Variants in RETREG1 observed in about 807,000 individuals in gnomAD.
The protein encoded by RETREG1 is family with sequence similarity 134 member B.
RETREG1 carries 44 observed loss-of-function variants against 54.8 expected under a neutral mutation model. That is an observed-to-expected ratio of 0.80 (90% confidence interval 0.63 to 1.03). The LOEUF (loss-of-function observed/expected upper bound fraction) is 1.03. RETREG1 is among the 50% of genes least tolerant of loss of function. The probability of loss-of-function intolerance (pLI) is 0.00; values close to 1 mark genes in which losing one functional copy is unlikely to be tolerated. For synonymous variants in RETREG1, 217 were observed against 238.5 expected (o/e 0.91, Z 0.83); for missense variants, 554 against 605.1 (o/e 0.92, Z 0.89).
chr5:16,529,030 A>G (rs540366075), intron 3 of RETREG1, among the ~76,000 whole-genome samples: 2 of 152,290 alleles, frequency 1.3e-5, no homozygotes, highest in South Asian at 2.1e-4. Context: ...GGAAGAAACT[A>G]TATACCCCAA....
At chr5:16,535,090 G>A (rs368257054) in intron 3 of RETREG1, among the ~76,000 whole-genome samples, 1 of 152,232 alleles carries the variant, frequency 6.6e-6, no homozygotes, top group African/African-American at 2.4e-5. Flanking sequence ...GCTATGAGAA[G>A]CTGGAATTCT....
At chr5:16,605,422 C>T (rs1561137221) in intron 1 of RETREG1, among the ~76,000 whole-genome samples, 1 of 152,288 alleles carries the variant, frequency 6.6e-6, no homozygotes, top group East Asian at 1.9e-4. Context: ...CTCCATAGTC[C>T]CTTTCCCCAC....
intron 3 of RETREG1, among the ~76,000 whole-genome samples, chr5:16,539,448 T>G (rs1207666382): frequency 6.6e-6 from 1 of 151,858 alleles, no homozygotes; most frequent in East Asian, 1.9e-4. Context: ...GGAAATAATT[T>G]CCAGAACATG....
intron 2 of RETREG1, among the ~76,000 whole-genome samples, chr5:16,570,628 T>C (rs773583516): frequency 5.3e-5 from 8 of 152,198 alleles, no homozygotes; most frequent in Non-Finnish European, 1.0e-4. Context: ...TTACTGTCTA[T>C]TTAGGAAAAC....
chr5:16,581,517 C>A (rs1742473038), intron 1 of RETREG1, among the ~76,000 whole-genome samples: 1 of 98,222 alleles, frequency 1.0e-5, no homozygotes, highest in African/African-American at 4.6e-5. Context: ...TTTTTAAGTT[C>A]AGAAACACAA....
At chr5:16,525,382 T>C (rs1740683034) in intron 3 of RETREG1, among the ~76,000 whole-genome samples, 1 of 152,010 alleles carries the variant, frequency 6.6e-6, no homozygotes, top group Admixed American at 6.6e-5. Context: ...AGCCCCTTTC[T>C]CCCTTCCCCC....
At chr5:16,535,680 T>C (rs1579659793) in intron 3 of RETREG1, among the ~76,000 whole-genome samples, 5 of 107,450 alleles carry the variant, frequency 4.7e-5, no homozygotes, top group Non-Finnish European at 5.5e-5. Context: ...GGAGCTGGGG[T>C]TCCTGTGTGC....
chr5:16,514,183 A>G (rs1222339428), intron 3 of RETREG1, among the ~76,000 whole-genome samples: 4 of 152,168 alleles, frequency 2.6e-5, no homozygotes. Context: ...CTTTTGCTTG[A>G]TTTATGGGGA....
In RETREG1 at chr5:16,616,994, G is replaced by A. The variant is rs1335009326; in HGVS notation, c.-23C>T. 6 of 1,311,184 alleles carry A rather than the reference G, an allele frequency of 4.6e-6. No homozygotes were observed. The African/African-American group carries it at 9.3e-5, about 20-fold the overall frequency. 81.2% of individuals were successfully genotyped at this position (1,311,184 alleles called of 1,614,324 possible). ...CATCTTCAGCTGTGCTTCCAGACAGGGACGGGGCCGGGCGCGCGCGCGGGC... is the reference window on the plus strand; with the variant it reads ...CATCTTCAGCTGTGCTTCCAGACAGAGACGGGGCCGGGCGCGCGCGCGGGC... On this transcript the variant is annotated 5_prime_UTR_variant, in exon 1 of 9. Coordinates refer to ENST00000306320, the MANE Select transcript of RETREG1 (RefSeq NM_001034850.3).
Position 16,601,391 on chromosome 5 carries a change from CT to C in RETREG1, c.320+15260del, listed in dbSNP as rs530475440. On this transcript the variant is annotated intron_variant, in intron 1 of 8. Transcript: ENST00000306320. ...AAAAAAAACAAAGAGGAGGAATTTT[CT>C]TTTTTTTTTTTTCTTTTTTTTTGAG... Among the ~76,000 whole-genome samples the C allele has an allele frequency of 4.1e-3, 576 of 140,734 alleles. 2 individuals are homozygous for C. Among genetic ancestry groups the C allele is most frequent in the African/African-American group, 0.012 (449 of 38,522 alleles). The allele number at this position is 140,734 out of a possible 152,430, so 92.3% of individuals were successfully genotyped here. A position where few individuals can be genotyped will look rare whatever the true frequency, so the allele number is the denominator to read the frequency against.
chr5:16,531,876 C>T (rs144013876), intron 3 of RETREG1, among the ~76,000 whole-genome samples: 144 of 152,188 alleles, frequency 9.5e-4, no homozygotes, highest in African/African-American at 3.3e-3. Context: ...AATTTTGCTC[C>T]GTGTATCCTG....
At chr5:16,530,595 G>A (rs1479591051) in intron 3 of RETREG1, among the ~76,000 whole-genome samples, 1 of 152,144 alleles carries the variant, frequency 6.6e-6, no homozygotes, top group Non-Finnish European at 1.5e-5. Flanking sequence ...CCTGAGGGCC[G>A]GGCACAGTGA....
intron 3 of RETREG1, among the ~76,000 whole-genome samples, chr5:16,536,324 T>C (rs1741072769): frequency 6.6e-6 from 1 of 152,206 alleles, no homozygotes; most frequent in African/African-American, 2.4e-5. Flanking sequence ...CACTGATTCA[T>C]TCCCAGAGAG....
At position 16,594,035 on chromosome 5, in the gene RETREG1, A is replaced by T. The variant is rs1455416801; in HGVS notation, c.321-21933T>A. ...TTTGGCCAACACCCACTGTTTTTCA[A>T]TGTCACAGGCCCACAGCAAAATGTA... On this transcript the variant is annotated intron_variant, in intron 1 of 8. Coordinates refer to ENST00000306320, the MANE Select transcript of RETREG1 (RefSeq NM_001034850.3). This position sits in a 1 kb window ranked among gnomAD's most constrained non-coding sequence, Gnocchi z 4.4. Among the ~76,000 whole-genome samples, 1 of 152,234 alleles carries T rather than the reference A, an allele frequency of 6.6e-6. No homozygotes were observed. The highest frequency in any genetic ancestry group is 1.5e-5 in the Non-Finnish European group (1 of 68,030).
intron 3 of RETREG1, among the ~76,000 whole-genome samples, chr5:16,490,121 G>T (rs543673689): frequency 1.3e-5 from 2 of 152,104 alleles, no homozygotes; most frequent in Non-Finnish European, 2.9e-5. Context: ...TGGGAGGCAG[G>T]GAGAGAATAT....
At position 16,561,831 on chromosome 5, in the gene RETREG1, G is replaced by A. The variant is rs1204022303; in HGVS notation, c.458+3932C>T. ...AGGGTTGTGGGTGCAAGAAAGAAGG[G>A]GAGAAAATACCTTGACCAGTCAAAC... On this transcript the variant is annotated intron_variant, in intron 3 of 8. Coordinates refer to ENST00000306320, the MANE Select transcript of RETREG1 (RefSeq NM_001034850.3). The surrounding 1 kb of genome is among the most constrained non-coding windows in gnomAD (Gnocchi z 4.2). Among the ~76,000 whole-genome samples the A allele has an allele frequency of 6.6e-6, 1 of 152,176 alleles. No individual in the cohort carries two copies. The highest frequency in any genetic ancestry group is 2.4e-5 in the African/African-American group (1 of 41,436).
At chr5:16,570,693 C>G (rs1411687325) in intron 2 of RETREG1, among the ~76,000 whole-genome samples, 1 of 152,186 alleles carries the variant, frequency 6.6e-6, no homozygotes, top group East Asian at 1.9e-4. Flanking sequence ...TCATCAAGGA[C>G]TGATCCACAG....
intron 3 of RETREG1, among the ~76,000 whole-genome samples, chr5:16,553,622 C>CT (rs1482975340): frequency 2.0e-5 from 3 of 151,498 alleles, no homozygotes; most frequent in Non-Finnish European, 2.9e-5. Context: ...ATAAGCGCGG[C>CT]TTTTTTTTGA....
intron 7 of RETREG1, 90 bp downstream of exon 7, chr5:16,477,944 G>C (rs952215171): frequency 3.0e-6 from 4 of 1,345,478 alleles, no homozygotes; most frequent in Non-Finnish European, 4.2e-6. Flanking sequence ...AATATGAGGA[G>C]TTTATTAGGA....
Sources: gnomAD v4.1 joint callset for allele counts (sites outside exome capture counted in the v4.1 genomes callset) on GRCh38, gnomAD v4.1.1 for gene constraint, Gnocchi (gnomAD v3.1) non-coding constraint, MANE v1.5 for transcripts, NCBI Gene and HGNC (gene_info 2026-07-23, HGNC 2026-07-21) for gene names.